The following GALNT14 variants were observed in gnomAD, a reference collection of about 807,000 sequenced individuals.
GALNT14 encodes polypeptide N-acetylgalactosaminyltransferase 14.
A neutral mutation model predicts 77.5 loss-of-function variants in GALNT14; 60 were observed. That is an observed-to-expected ratio of 0.77 (90% confidence interval 0.63 to 0.96). The LOEUF (loss-of-function observed/expected upper bound fraction) is 0.96, where lower values mean the gene tolerates loss of function less well. Among genes scored for constraint, GALNT14 ranks in the 40% least tolerant of loss-of-function variants. GALNT14 has a pLI of 0.00. For missense variants in GALNT14, 710 were observed against 731.0 expected (o/e 0.97, Z 0.33); for synonymous variants, 280 against 281.7 (o/e 0.99, Z 0.06).
chr2:31,076,973 T>A (rs139074172), intron 1 of GALNT14, among the ~76,000 whole-genome samples: 8 of 152,190 alleles, frequency 5.3e-5, no homozygotes, highest in South Asian at 2.1e-4. Context: ...CCATCCCTCA[T>A]GACAACAGCA....
chr2:30,990,522 G>A (rs1341088329), intron 2 of GALNT14, among the ~76,000 whole-genome samples: 1 of 152,264 alleles, frequency 6.6e-6, no homozygotes, highest in East Asian at 1.9e-4. Context: ...GTTGAAAGAA[G>A]AAAACAGGGC....
At chr2:31,042,865 T>C (rs532458389) in intron 1 of GALNT14, among the ~76,000 whole-genome samples, 6 of 152,298 alleles carry the variant, frequency 3.9e-5, no homozygotes, top group African/African-American at 1.4e-4. Context: ...CTATTTGCAA[T>C]ACAACAGTTA....
At chr2:30,957,881 C>T (rs903207480) in intron 4 of GALNT14, among the ~76,000 whole-genome samples, 1 of 152,240 alleles carries the variant, frequency 6.6e-6, no homozygotes, top group African/African-American at 2.4e-5. Context: ...TACATTACTT[C>T]TGACAATGCT....
At chr2:30,990,971 A>C (rs1285707044) in intron 2 of GALNT14, among the ~76,000 whole-genome samples, 1 of 152,206 alleles carries the variant, frequency 6.6e-6, no homozygotes, top group Non-Finnish European at 1.5e-5. Flanking sequence ...CAAAGCCCGG[A>C]ACTGGACACC....
chr2:30,910,108 C>T (rs570426004), downstream of GALNT14, among the ~76,000 whole-genome samples: 458 of 150,830 alleles, frequency 3.0e-3, 3 homozygotes, highest in African/African-American at 0.011. Context: ...ATACCTAATG[C>T]TAGATGACGA....
In GALNT14 at chr2:30,996,297, G is replaced by C. The variant is rs115509297; in HGVS notation, c.130-3290C>G. On this transcript the variant is annotated intron_variant, in intron 1 of 14. Transcript: ENST00000349752. ...AAGGCCGGAATGTGGATTGCAAAGA[G>C]GACATGAGTGAAAGAAAACTCCAGA... 4.3e-3 allele frequency among the ~76,000 whole-genome samples: 648 copies of C among 152,346 alleles called. 4 individuals are homozygous for C. Among genetic ancestry groups the C allele is most frequent in the African/African-American group, 0.015 (622 of 41,576 alleles).
chr2:31,057,465 T>C (rs1674307612), intron 1 of GALNT14, among the ~76,000 whole-genome samples: 3 of 149,750 alleles, frequency 2.0e-5, no homozygotes, highest in Admixed American at 2.0e-4. Context: ...TATATATATA[T>C]ACCTTGTGTA....
At chr2:30,986,067 A>T (rs913589741) in intron 2 of GALNT14, among the ~76,000 whole-genome samples, 1 of 152,202 alleles carries the variant, frequency 6.6e-6, no homozygotes, top group Admixed American at 6.5e-5. Context: ...TTCATTTCCC[A>T]GGAGGAAAAG....
chr2:30,901,596 ATG>A, the GALNT14 span, among the ~76,000 whole-genome samples: 204 of 151,820 alleles, frequency 1.3e-3, no homozygotes, highest in Middle Eastern at 0.01. Flanking sequence ...GTATATATAT[ATG>A]TGTGTGTATA....
chr2:30,921,990 G>A (rs1330481949), intron 13 of GALNT14, among the ~76,000 whole-genome samples: 1 of 152,174 alleles, frequency 6.6e-6, no homozygotes, highest in East Asian at 1.9e-4. Context: ...AAGTGAACAT[G>A]GGATCTAAGA....
chr2:30,904,179 T>C, the GALNT14 span, among the ~76,000 whole-genome samples: 1 of 152,228 alleles, frequency 6.6e-6, no homozygotes, highest in East Asian at 1.9e-4. Flanking sequence ...GTGTGCATCA[T>C]CAATAGAAAC....
chr2:30,905,152 G>A, the GALNT14 span, among the ~76,000 whole-genome samples: 34 of 152,084 alleles, frequency 2.2e-4, no homozygotes, highest in Middle Eastern at 3.4e-3. Flanking sequence ...AAAGCAGAGC[G>A]CCTCTCCTCC....
At chr2:30,985,356 AC>A (rs1669233842) in intron 2 of GALNT14, among the ~76,000 whole-genome samples, 1 of 152,188 alleles carries the variant, frequency 6.6e-6, no homozygotes, top group African/African-American at 2.4e-5. Context: ...CACTCAAAGA[AC>A]ACAGGAGGGG....
chr2:30,901,657 A>G, the GALNT14 span, among the ~76,000 whole-genome samples: 4 of 151,864 alleles, frequency 2.6e-5, no homozygotes, highest in African/African-American at 9.7e-5. Context: ...ATATATGCTC[A>G]TATATGTGTA....
At chr2:30,926,220 T>C (rs1041064249) in intron 11 of GALNT14, among the ~76,000 whole-genome samples, 4 of 152,184 alleles carry the variant, frequency 2.6e-5, no homozygotes, top group Non-Finnish European at 5.9e-5. Context: ...CAGTGCATGA[T>C]GGTGCAGTGT....
intron 1 of GALNT14, among the ~76,000 whole-genome samples, chr2:31,085,250 G>C (rs1026142244): frequency 6.6e-6 from 1 of 152,130 alleles, no homozygotes; most frequent in African/African-American, 2.4e-5. Context: ...CATCTTCCAG[G>C]CATTCGGAAA....
At chr2:31,124,836 G>A (rs964515300) in intron 1 of GALNT14, among the ~76,000 whole-genome samples, 3 of 152,170 alleles carry the variant, frequency 2.0e-5, no homozygotes, top group Non-Finnish European at 2.9e-5. Context: ...TACAGATAAA[G>A]CACCCAGCAT....
At position 30,938,384 on chromosome 2, in the gene GALNT14, A is replaced by ACACACACACT. The variant is rs1174119035; in HGVS notation, c.931+3816_931+3817insAGTGTGTGTG. Among the ~76,000 whole-genome samples, 358 of 141,750 alleles carry ACACACACACT rather than the reference A, an allele frequency of 2.5e-3. 7 individuals are homozygous for ACACACACACT. The South Asian group carries it at 0.026, about 10-fold the overall frequency. 93.0% of individuals were successfully genotyped at this position (141,750 alleles called of 152,430 possible). A position where few individuals can be genotyped will look rare whatever the true frequency, so the allele number is the denominator to read the frequency against. ...TACACACACACACACACACACACAC[A>ACACACACACT]CTCTCTCTCTCTCTCTCTCTCTCTA... On this transcript the variant is annotated intron_variant, in intron 9 of 14. Transcript: ENST00000349752.
rs1335001890 is a variant in GALNT14 at position 30,955,715 on chromosome 2, C to A, written c.557G>T (p.Gly186Val). Residue 186 changes from glycine to valine, a missense_variant, in exon 6 of 15, where the codon GGC becomes GTC. Physicochemically the swap from Gly to Val is moderately radical, Grantham distance 109. Coordinates refer to ENST00000349752, the MANE Select transcript of GALNT14 (RefSeq NM_024572.4). Reference sequence around the variant, plus strand: ...AGTGGTGCCCTGGGCGATGTCAGCGCCCCGAATCCGGGACCGGACCAGACC... The same window carrying A: ...AGTGGTGCCCTGGGCGATGTCAGCGACCCGAATCCGGGACCGGACCAGACC... ...RQGLVRSRIRGADIAQGTTLT... is the reference protein window; with the variant it reads ...RQGLVRSRIRVADIAQGTTLT... The A allele has an allele frequency of 1.2e-6, 2 of 1,614,128 alleles. No individual in the cohort carries two copies. The highest frequency in any genetic ancestry group is 1.7e-6 in the Non-Finnish European group (2 of 1,180,030).
Sources: allele counts gnomAD v4.1 joint callset (sites outside exome capture counted in the v4.1 genomes callset), GRCh38; gene constraint gnomAD v4.1.1; transcripts MANE v1.5; gene names NCBI Gene and HGNC (gene_info 2026-07-23, HGNC 2026-07-21).